Variants in NMNAT3 observed in about 807,000 individuals in gnomAD.
The protein encoded by NMNAT3 is nicotinamide nucleotide adenylyltransferase 3.
A neutral mutation model predicts 24.8 loss-of-function variants in NMNAT3; 21 were observed. That is an observed-to-expected ratio of 0.85 (90% CI 0.60 to 1.22). The LOEUF (loss-of-function observed/expected upper bound fraction) is 1.22, where lower values mean the gene tolerates loss of function less well. Ranked by LOEUF, NMNAT3 falls within the 50% of genes most tolerant of loss-of-function variation. The probability of loss-of-function intolerance (pLI) is 0.00; values close to 1 mark genes in which losing one functional copy is unlikely to be tolerated. For synonymous variants in NMNAT3, 136 were observed against 155.2 expected, an observed-to-expected ratio of 0.88 and a Z score of 0.92; for missense variants, 387 against 436.6, an observed-to-expected ratio of 0.89 and a Z score of 1.01.
At chr3:139,609,897 C>T (rs6439867) in intron 3 of NMNAT3, 141,510 of 152,262 alleles carry the variant, frequency 0.93, 66,680 homozygotes, top group East Asian at 1. Flanking sequence ...TGGGCTCAAG[C>T]GATCCTCCTG....
At chr3:139,586,267 T>A (rs999944321) in intron 3 of NMNAT3, among the ~76,000 whole-genome samples, 1 of 152,100 alleles carries the variant, frequency 6.6e-6, no homozygotes, top group African/African-American at 2.4e-5. Flanking sequence ...AAATAACTAA[T>A]GGGCACCAAG....
chr3:139,650,480 A>G (rs2057020168), intron 1 of NMNAT3, among the ~76,000 whole-genome samples: 1 of 152,226 alleles, frequency 6.6e-6, no homozygotes, highest in Non-Finnish European at 1.5e-5. Context: ...CCCCTGTGTT[A>G]TAATTGAAGA....
chr3:139,595,423 G>C (rs6805389), intron 3 of NMNAT3, among the ~76,000 whole-genome samples: 139,507 of 152,194 alleles, frequency 0.92, 65,019 homozygotes, highest in Non-Finnish European at 1. Context: ...TCCCCATCAA[G>C]CTACCAATGA....
intron 2 of NMNAT3, among the ~76,000 whole-genome samples, chr3:139,630,649 C>T (rs1476708427): frequency 6.6e-6 from 1 of 152,160 alleles, no homozygotes; most frequent in Non-Finnish European, 1.5e-5. Context: ...GGCTGGAGGG[C>T]ATGTACTCTG....
intron 6 of NMNAT3, among the ~76,000 whole-genome samples, chr3:139,562,175 C>CAG (rs1253553095): frequency 6.6e-6 from 1 of 152,094 alleles, no homozygotes; most frequent in Non-Finnish European, 1.5e-5. Flanking sequence ...GCAACTGAGG[C>CAG]AGAGAGAGAT....
At chr3:139,584,735 A>T (rs545581098) in intron 3 of NMNAT3, among the ~76,000 whole-genome samples, 8 of 152,232 alleles carry the variant, frequency 5.3e-5, no homozygotes, top group Non-Finnish European at 1.0e-4. Flanking sequence ...ATGTCCTAGT[A>T]TATGGTGAGT....
At chr3:139,665,265 G>C (rs1576786463) in intron 1 of NMNAT3, among the ~76,000 whole-genome samples, 1 of 152,084 alleles carries the variant, frequency 6.6e-6, no homozygotes, top group Non-Finnish European at 1.5e-5. Context: ...GCCTTAAGTG[G>C]TACCTGCCAC....
chr3:139,605,072 C>A (rs978024915), intron 3 of NMNAT3, among the ~76,000 whole-genome samples: 1 of 152,072 alleles, frequency 6.6e-6, no homozygotes, highest in African/African-American at 2.4e-5. Flanking sequence ...GTTCTTAGTG[C>A]GTCTCAAGAA....
chr3:139,651,514 C>T (rs569428294), intron 1 of NMNAT3, among the ~76,000 whole-genome samples: 1 of 152,198 alleles, frequency 6.6e-6, no homozygotes, highest in African/African-American at 2.4e-5. Flanking sequence ...AGAAGCTATG[C>T]TTTATCTGCA....
At chr3:139,582,378 A>C (rs1328122249) in intron 4 of NMNAT3, among the ~76,000 whole-genome samples, 1 of 151,760 alleles carries the variant, frequency 6.6e-6, no homozygotes, top group Non-Finnish European at 1.5e-5. Context: ...ATGATAGCTC[A>C]TGCCTGTAAT....
chr3:139,596,186 T>G (rs932592692), intron 3 of NMNAT3, among the ~76,000 whole-genome samples: 24 of 152,144 alleles, frequency 1.6e-4, no homozygotes, highest in Non-Finnish European at 2.8e-4. Context: ...GGCTGCTGGG[T>G]GGCCCTGTCA....
chr3:139,624,398 T>A (rs1317725584), intron 3 of NMNAT3, among the ~76,000 whole-genome samples: 2 of 152,002 alleles, frequency 1.3e-5, no homozygotes, highest in East Asian at 1.9e-4. Flanking sequence ...GTAATTCCAC[T>A]GTGGTCAGAG....
chr3:139,582,151 C>T (rs1433353750), intron 4 of NMNAT3, among the ~76,000 whole-genome samples: 3 of 136,824 alleles, frequency 2.2e-5, no homozygotes, highest in East Asian at 2.2e-4. Flanking sequence ...GCCGAGATTA[C>T]GCCACTGTGA....
At chr3:139,561,517 A>G (rs2107972769) in intron 6 of NMNAT3, 125 bp from the exon 7 acceptor site, 2 of 871,882 alleles carry the variant, frequency 2.3e-6, no homozygotes, top group South Asian at 1.8e-5. Context: ...CTCCATGTTC[A>G]TGACTTGAAA....
At chr3:139,659,270 G>C (rs2057341298) in intron 1 of NMNAT3, among the ~76,000 whole-genome samples, 1 of 152,156 alleles carries the variant, frequency 6.6e-6, no homozygotes, top group Admixed American at 6.5e-5. Flanking sequence ...TCTTGCTGGG[G>C]AGATCAGAGG....
At chr3:139,600,306 ATT>A (rs79173913) in intron 3 of NMNAT3, among the ~76,000 whole-genome samples, 5 of 142,738 alleles carry the variant, frequency 3.5e-5, no homozygotes, top group South Asian at 2.2e-4. Context: ...GATAGAAAGG[ATT>A]TTTTTTTTTT....
chr3:139,601,902 T>C (rs2054734025), intron 3 of NMNAT3, among the ~76,000 whole-genome samples: 1 of 152,216 alleles, frequency 6.6e-6, no homozygotes, highest in Non-Finnish European at 1.5e-5. Flanking sequence ...GGTAAAGCCT[T>C]GTTAATCAAA....
chr3:139,623,166 TA>T (rs2055880409), intron 3 of NMNAT3, among the ~76,000 whole-genome samples: 1 of 152,156 alleles, frequency 6.6e-6, no homozygotes, highest in Admixed American at 6.6e-5. Context: ...TACAGATGTA[TA>T]AAAATATTTT....
intron 3 of NMNAT3, among the ~76,000 whole-genome samples, chr3:139,601,632 CAG>C (rs1233553645): frequency 6.6e-6 from 1 of 152,074 alleles, no homozygotes; most frequent in African/African-American, 2.4e-5. Flanking sequence ...CACTTCAAGC[CAG>C]AGAGTGTACC....
Sources: gnomAD v4.1 joint callset for allele counts (sites outside exome capture counted in the v4.1 genomes callset) on GRCh38, gnomAD v4.1.1 for gene constraint, MANE v1.5 for transcripts, NCBI Gene and HGNC (gene_info 2026-07-23, HGNC 2026-07-21) for gene names.